SHANK2: variants seen among roughly 807,000 people sequenced by gnomAD.
SHANK2 encodes the protein SH3 and multiple ankyrin repeat domains protein 2.
SHANK2 carries 43 observed loss-of-function variants against 133.7 expected under a neutral mutation model. The ratio of observed to expected loss-of-function variants is 0.32; its 90% CI spans 0.25 to 0.41. SHANK2 has a LOEUF of 0.41. Among genes scored for constraint, SHANK2 ranks in the 10% least tolerant of loss-of-function variants. The pLI is 1.00. For missense variants in SHANK2, 1,994 were observed against 2,235.8 expected (o/e 0.89, Z 2.18); for synonymous variants, 1,017 against 952.8 (o/e 1.07, Z -1.24).
chr11:70,604,491 T>G (rs2060547861), intron 17 of SHANK2: 1 of 152,252 alleles, frequency 6.6e-6, no homozygotes, highest in Admixed American at 6.6e-5. Flanking sequence ...TGGGCTGCAG[T>G]GGGCACTATG....
At chr11:70,949,080 C>T (rs1590865127) in intron 10 of SHANK2, among the ~76,000 whole-genome samples, 1 of 152,246 alleles carries the variant, frequency 6.6e-6, no homozygotes. Context: ...CCAGCCAGTG[C>T]CCAGCTCCCT....
intron 15 of SHANK2, chr11:70,668,757 CAGAAG>C (rs1173998622): frequency 2.0e-5 from 3 of 152,246 alleles, no homozygotes; most frequent in Admixed American, 6.6e-5. Context: ...GGGGAGGGGA[CAGAAG>C]AGAAAAGAAC....
At position 70,545,501 on chromosome 11, in the gene SHANK2, AC is replaced by A. The variant is rs531408343; in HGVS notation, c.2062-42571del. ...GCCCACTGCAGAGCTGAGGGTCCTC[AC>A]CTCGGGGTCTTGGTTTTCTCCCCTG... On this transcript the variant is annotated intron_variant, in intron 17 of 25. Coordinates refer to ENST00000601538, the MANE Select transcript of SHANK2 (RefSeq NM_012309.5). Among the ~76,000 whole-genome samples the A allele has an allele frequency of 5.9e-5, 9 of 152,236 alleles. No individual in the cohort carries two copies. In the South Asian group the frequency reaches 1.9e-3, roughly 32 times the overall value.
At chr11:70,590,284 T>C (rs11236757) in intron 17 of SHANK2, among the ~76,000 whole-genome samples, 41,801 of 152,140 alleles carry the variant, frequency 0.27, 6,155 homozygotes, top group African/African-American at 0.36. Context: ...GAAAGTGATT[T>C]CTCGAGATGG....
At chr11:70,599,977 G>T (rs1554990622) in intron 17 of SHANK2, among the ~76,000 whole-genome samples, 1 of 141,364 alleles carries the variant, frequency 7.1e-6, no homozygotes, top group African/African-American at 2.7e-5. Flanking sequence ...GAAAGAAAAT[G>T]TATCATGTTC....
chr11:70,859,224 T>C (rs1949218384), intron 11 of SHANK2, among the ~76,000 whole-genome samples: 1 of 151,652 alleles, frequency 6.6e-6, no homozygotes, highest in East Asian at 1.9e-4. Context: ...AGTAGGCAAG[T>C]GGGTGAATAG....
chr11:70,894,946 C>T (rs1005105737), intron 11 of SHANK2, among the ~76,000 whole-genome samples: 26 of 152,248 alleles, frequency 1.7e-4, no homozygotes, highest in East Asian at 3.8e-4. Flanking sequence ...AGCAGGAAGA[C>T]GGTCTCTGGC....
At position 71,252,525 on chromosome 11, in the gene SHANK2, CCCGCCGGAGCTCAGGAGCCG is replaced by C. The variant is rs1435579451; in HGVS notation, c.-233_-214del. The C allele has an allele frequency of 1.7e-4, 25 of 151,100 alleles. No individual in the cohort carries two copies. The highest frequency in any genetic ancestry group is 4.1e-4 in the African/African-American group (17 of 41,416). The allele number at this position is 151,100 out of a possible 1,614,324, so 9.4% of individuals were successfully genotyped here. Reference sequence around the variant, plus strand: ...GAACCCGAGCGGCGCCGCGCCCAGCCCCGCCGGAGCTCAGGAGCCGCCGCCGCGGCTCAGGTGCAGGGGGT... The same window carrying C: ...GAACCCGAGCGGCGCCGCGCCCAGCCCCGCCGCGGCTCAGGTGCAGGGGGT... On this transcript the variant is annotated 5_prime_UTR_variant, in exon 1 of 26. Transcript: ENST00000601538. The surrounding 1 kb of genome is among the most constrained non-coding windows in gnomAD (Gnocchi z 6.3).
chr11:70,628,582 C>T (rs1349793353), intron 17 of SHANK2, among the ~76,000 whole-genome samples: 2 of 152,208 alleles, frequency 1.3e-5, no homozygotes, highest in Non-Finnish European at 2.9e-5. Context: ...GAGCCTAAGG[C>T]GGCCCACCCA....
chr11:70,620,641 C>G (rs1382759419), intron 17 of SHANK2, among the ~76,000 whole-genome samples: 1 of 152,126 alleles, frequency 6.6e-6, no homozygotes, highest in Admixed American at 6.5e-5. Flanking sequence ...CTGTATCCCC[C>G]CAAGTTCCTA....
chr11:70,933,941 AAC>A (rs1950536039), intron 10 of SHANK2, among the ~76,000 whole-genome samples: 1 of 150,666 alleles, frequency 6.6e-6, no homozygotes, highest in African/African-American at 2.4e-5. Context: ...AAACAAACAA[AAC>A]AACAACAGCT....
intron 13 of SHANK2, among the ~76,000 whole-genome samples, chr11:70,806,049 G>A (rs1028178536): frequency 5.9e-5 from 9 of 152,244 alleles, no homozygotes; most frequent in Admixed American, 6.5e-5. Context: ...TCAGTGTGTC[G>A]CGCAGAGAAA....
chr11:71,225,077 T>C (rs1555121966), intron 1 of SHANK2, among the ~76,000 whole-genome samples: 1 of 152,168 alleles, frequency 6.6e-6, no homozygotes, highest in Non-Finnish European at 1.5e-5. Context: ...TCTTGCCTCA[T>C]ACATCCCAGA....
chr11:70,636,019 C>T (rs1190087163), intron 17 of SHANK2, among the ~76,000 whole-genome samples: 3 of 152,256 alleles, frequency 2.0e-5, no homozygotes, highest in Non-Finnish European at 2.9e-5. Context: ...TGGGGCCTTG[C>T]ACTCACCACC....
At position 70,804,720 on chromosome 11, in the gene SHANK2, G is replaced by C. The variant is rs1057376202; in HGVS notation, c.1663+2282C>G. 1.3e-5 allele frequency among the ~76,000 whole-genome samples: 2 copies of C among 152,042 alleles called. No homozygotes were observed. Among genetic ancestry groups the C allele is most frequent in the Non-Finnish European group, 2.9e-5 (2 of 67,988 alleles). On this transcript the variant is annotated intron_variant, in intron 13 of 25. Coordinates refer to ENST00000601538, the MANE Select transcript of SHANK2 (RefSeq NM_012309.5). This position sits in a 1 kb window ranked among gnomAD's most constrained non-coding sequence, Gnocchi z 4.1. ...AACCCAGGGAGTTGGACAGGGGAAGGCCCCCCCAGAGCTTCTGGGAATTAA... is the reference window on the plus strand; with the variant it reads ...AACCCAGGGAGTTGGACAGGGGAAGCCCCCCCCAGAGCTTCTGGGAATTAA...
rs553360685 is a variant in SHANK2 at position 70,764,525 on chromosome 11, TCACCCACCCATC to T, written c.1777+33906_1777+33917del. 3.1e-3 allele frequency among the ~76,000 whole-genome samples: 426 copies of T among 137,128 alleles called. 7 individuals carry two copies. In the East Asian group the frequency reaches 0.047, roughly 15 times the overall value. The allele number at this position is 137,128 out of a possible 152,430, so 90.0% of individuals were successfully genotyped here. On this transcript the variant is annotated intron_variant, in intron 14 of 25. Coordinates refer to ENST00000601538, the MANE Select transcript of SHANK2 (RefSeq NM_012309.5). The stretch of plus-strand genomic sequence containing the variant: ...CTCTCTCTTCTATCCATCTATCCAT[TCACCCACCCATC>T]CACCCACCCATCCATCCACCTATCT...
At chr11:70,785,267 A>AC (rs1238082345) in intron 14 of SHANK2, among the ~76,000 whole-genome samples, 2 of 151,706 alleles carry the variant, frequency 1.3e-5, no homozygotes, top group East Asian at 3.9e-4. Context: ...ACACCATCTT[A>AC]CCCCCAGACT....
rs548490702 is a variant in SHANK2 at position 71,096,106 on chromosome 11, C to G, written c.593-1418G>C. On this transcript the variant is annotated intron_variant, in intron 6 of 25. Coordinates refer to ENST00000601538, the MANE Select transcript of SHANK2 (RefSeq NM_012309.5). ...ATGCCGTGCGTAGACATGCCAGCATCTTCATTCATCCTGTCTCCATGTGAA... is the reference window on the plus strand; with the variant it reads ...ATGCCGTGCGTAGACATGCCAGCATGTTCATTCATCCTGTCTCCATGTGAA... Among the ~76,000 whole-genome samples the G allele has an allele frequency of 1.4e-3, 206 of 152,242 alleles. 1 individual carries two copies. In the Middle Eastern group the frequency reaches 0.027, roughly 20 times the overall value.
intron 17 of SHANK2, among the ~76,000 whole-genome samples, chr11:70,513,073 G>A (rs1394079219): frequency 1.3e-5 from 2 of 152,078 alleles, no homozygotes; most frequent in Non-Finnish European, 2.9e-5. Context: ...TCTGAAGAGT[G>A]AACAAAGACA....
Sources: gnomAD v4.1 joint callset for allele counts (sites outside exome capture counted in the v4.1 genomes callset) on GRCh38, gnomAD v4.1.1 for gene constraint, Gnocchi (gnomAD v3.1) non-coding constraint, MANE v1.5 for transcripts, NCBI Gene and HGNC (gene_info 2026-07-23, HGNC 2026-07-21) for gene names.